Variants in NCKAP5 observed in about 807,000 individuals in gnomAD.
The protein encoded by NCKAP5 is nck-associated protein 5.
Under a neutral mutation model 167.0 loss-of-function variants are expected in NCKAP5, and 92 were observed. The observed-to-expected ratio is 0.55, with a 90% confidence interval of 0.47 to 0.66. The LOEUF is 0.66. NCKAP5 is among the 30% of genes least tolerant of loss of function. The pLI, the probability that NCKAP5 is intolerant of heterozygous loss-of-function variation, is 0.00. For missense variants in NCKAP5, 2,378 were observed against 2,315.0 expected (o/e 1.03, Z -0.56); for synonymous variants, 891 against 877.4 (o/e 1.02, Z -0.27).
chr2:133,431,454 C>T (rs902667006), intron 3 of NCKAP5, among the ~76,000 whole-genome samples: 3 of 152,098 alleles, frequency 2.0e-5, no homozygotes, highest in African/African-American at 7.2e-5. Context: ...CCAAGGTATA[C>T]AGCTTGGAGG....
At chr2:132,820,517 C>T (rs1045961831) in intron 11 of NCKAP5, among the ~76,000 whole-genome samples, 20 of 151,930 alleles carry the variant, frequency 1.3e-4, no homozygotes, top group African/African-American at 4.4e-4. Flanking sequence ...CGTGAGCCAC[C>T]GAGCCCAGCC....
At chr2:133,471,229 T>A (rs974685505) in intron 3 of NCKAP5, among the ~76,000 whole-genome samples, 1 of 152,210 alleles carries the variant, frequency 6.6e-6, no homozygotes, top group Non-Finnish European at 1.5e-5. Flanking sequence ...CCCTCTTTTG[T>A]GGGTGTGCTT....
chr2:133,439,799 C>T (rs1345543448), intron 3 of NCKAP5, among the ~76,000 whole-genome samples: 2 of 152,108 alleles, frequency 1.3e-5, no homozygotes, highest in Non-Finnish European at 2.9e-5. Context: ...GTCTTCTTCT[C>T]TAAGGTTTTA....
chr2:133,494,039 C>T (rs1259751101), intron 3 of NCKAP5, among the ~76,000 whole-genome samples: 1 of 152,124 alleles, frequency 6.6e-6, no homozygotes, highest in African/African-American at 2.4e-5. Flanking sequence ...AGTTGGTAGC[C>T]CTTTAACTTG....
intron 19 of NCKAP5, among the ~76,000 whole-genome samples, chr2:132,724,006 C>G (rs930441301): frequency 1.3e-5 from 2 of 152,206 alleles, no homozygotes; most frequent in African/African-American, 2.4e-5. Context: ...TCAGGTTGCT[C>G]TCTCTGCAGC....
intron 6 of NCKAP5, among the ~76,000 whole-genome samples, chr2:133,067,189 G>A (rs2080228927): frequency 6.6e-6 from 1 of 152,038 alleles, no homozygotes; most frequent in Non-Finnish European, 1.5e-5. Context: ...TATAGGTACT[G>A]TTCAATAAGG....
At chr2:133,020,703 G>C (rs2078495513) in intron 6 of NCKAP5, among the ~76,000 whole-genome samples, 1 of 152,216 alleles carries the variant, frequency 6.6e-6, no homozygotes, top group Admixed American at 6.5e-5. Context: ...TAAATACACT[G>C]TGGTGAGCTG....
intron 6 of NCKAP5, chr2:133,123,363 A>T (rs2082308626): frequency 6.2e-6 from 1 of 160,384 alleles, no homozygotes. Flanking sequence ...ATGCTAGATC[A>T]CTAAGATACA....
At chr2:133,519,116 A>G (rs938656982) in intron 2 of NCKAP5, among the ~76,000 whole-genome samples, 1 of 152,190 alleles carries the variant, frequency 6.6e-6, no homozygotes, top group Non-Finnish European at 1.5e-5. Flanking sequence ...GGTTTTCCTC[A>G]TCAAGAGGGT....
At chr2:133,231,915 A>G (rs2087167834) in intron 4 of NCKAP5, among the ~76,000 whole-genome samples, 1 of 152,320 alleles carries the variant, frequency 6.6e-6, no homozygotes, top group Non-Finnish European at 1.5e-5. Context: ...AATCCAGAAG[A>G]AAGACATTTG....
chr2:133,438,265 G>A (rs972711560), intron 3 of NCKAP5, among the ~76,000 whole-genome samples: 3 of 152,210 alleles, frequency 2.0e-5, no homozygotes, highest in Admixed American at 2.0e-4. Context: ...CCAATGTTGG[G>A]AATATTACTG....
chr2:133,447,145 A>G (rs1691248365), intron 3 of NCKAP5, among the ~76,000 whole-genome samples: 1 of 152,264 alleles, frequency 6.6e-6, no homozygotes, highest in Non-Finnish European at 1.5e-5. Flanking sequence ...TTTGAACTCC[A>G]TCTCTACCCG....
intron 1 of NCKAP5, among the ~76,000 whole-genome samples, chr2:133,562,527 C>T (rs1864816): frequency 0.19 from 29,091 of 152,136 alleles, 3,007 homozygotes; most frequent in Non-Finnish European, 0.22. Flanking sequence ...GTCAGACATG[C>T]GTCTCGACAG....
intron 9 of NCKAP5, among the ~76,000 whole-genome samples, chr2:132,873,033 G>C (rs1690953679): frequency 6.6e-6 from 1 of 152,182 alleles, no homozygotes; most frequent in South Asian, 2.1e-4. Flanking sequence ...ACCCCTAAAT[G>C]TGAATCAGGC....
chr2:133,093,177 G>A (rs1021861218), intron 6 of NCKAP5, among the ~76,000 whole-genome samples: 1 of 152,198 alleles, frequency 6.6e-6, no homozygotes, highest in African/African-American at 2.4e-5. Flanking sequence ...GCTAGTAGTG[G>A]CAGGGGCAAG....
At chr2:132,996,740 C>T (rs1282297769) in intron 6 of NCKAP5, among the ~76,000 whole-genome samples, 2 of 152,192 alleles carry the variant, frequency 1.3e-5, no homozygotes, top group South Asian at 2.1e-4. Context: ...ACTCACTAGA[C>T]ATTATTGTAT....
chr2:132,893,318 G>A (rs1692876622), intron 8 of NCKAP5, among the ~76,000 whole-genome samples: 2 of 152,160 alleles, frequency 1.3e-5, no homozygotes. Context: ...AACCCCTGTA[G>A]GTACCCGCAA....
At chr2:132,950,439 C>G (rs2076149490) in intron 8 of NCKAP5, among the ~76,000 whole-genome samples, 2 of 152,042 alleles carry the variant, frequency 1.3e-5, no homozygotes, top group South Asian at 4.2e-4. Context: ...ATGTGATGAT[C>G]CATGAAGCTC....
chr2:133,429,459 C>A (rs530216495), intron 3 of NCKAP5, among the ~76,000 whole-genome samples: 6 of 152,086 alleles, frequency 3.9e-5, no homozygotes, highest in Admixed American at 3.3e-4. Context: ...CCTCTTCATC[C>A]CTCCATTTTT....
Sources: gnomAD v4.1 joint callset for allele counts (sites outside exome capture counted in the v4.1 genomes callset) on GRCh38, gnomAD v4.1.1 for gene constraint, MANE v1.5 for transcripts, NCBI Gene and HGNC (gene_info 2026-07-23, HGNC 2026-07-21) for gene names.